Variants in CTNNA3 observed in about 807,000 individuals in gnomAD.
CTNNA3 encodes the protein catenin alpha-3.
In CTNNA3, 76 loss-of-function variants were observed where a neutral mutation model predicts 95.7. That is an observed-to-expected ratio of 0.79 (90% CI 0.66 to 0.96). CTNNA3 has a LOEUF of 0.96. Among genes scored for constraint, CTNNA3 ranks in the 40% least tolerant of loss-of-function variants. The probability of loss-of-function intolerance (pLI) is 0.00; values close to 1 mark genes in which losing one functional copy is unlikely to be tolerated. For missense variants in CTNNA3, 1,191 were observed against 1,089.8 expected, an observed-to-expected ratio of 1.09 and a Z score of -1.31; for synonymous variants, 431 against 374.4, an observed-to-expected ratio of 1.15 and a Z score of -1.74.
chr10:66,685,285 G>GTATATATAAGTA (rs1847230936), intron 9 of CTNNA3, among the ~76,000 whole-genome samples: 1 of 59,582 alleles, frequency 1.7e-5, no homozygotes, highest in African/African-American at 9.6e-5. Context: ...GTATATATAA[G>GTATATATAAGTA]TATATATATG....
chr10:66,239,882 C>G (rs145760397), intron 13 of CTNNA3, among the ~76,000 whole-genome samples: 36 of 151,834 alleles, frequency 2.4e-4, no homozygotes, highest in African/African-American at 8.7e-4. Context: ...AATTCCTCTG[C>G]CCACTATTCT....
chr10:65,962,598 G>A (rs2077868822), intron 17 of CTNNA3, among the ~76,000 whole-genome samples: 1 of 151,606 alleles, frequency 6.6e-6, no homozygotes, highest in Non-Finnish European at 1.5e-5. Flanking sequence ...GGTTACATGT[G>A]CAGAACATGC....
intron 5 of CTNNA3, chr10:67,346,674 C>T (rs1842427421): frequency 2.0e-6 from 1 of 509,534 alleles, no homozygotes; most frequent in Middle Eastern, 3.2e-4. Flanking sequence ...GCAGGCCTTC[C>T]TAATCTCGTG....
chr10:67,604,034 A>G (rs532810741), intron 3 of CTNNA3, among the ~76,000 whole-genome samples: 30 of 152,174 alleles, frequency 2.0e-4, no homozygotes, highest in African/African-American at 2.7e-4. Flanking sequence ...ACTTACCGCT[A>G]TGTTATATTA....
chr10:67,377,120 T>C (rs1843722037), intron 5 of CTNNA3, among the ~76,000 whole-genome samples: 1 of 152,216 alleles, frequency 6.6e-6, no homozygotes, highest in Non-Finnish European at 1.5e-5. Context: ...TTAGTTTGGA[T>C]TTCTGTTTGG....
intron 7 of CTNNA3, chr10:66,925,774 A>G (rs967857415): frequency 1.4e-5 from 4 of 286,770 alleles, no homozygotes; most frequent in Non-Finnish European, 2.8e-5. Flanking sequence ...TCTGGGCAGC[A>G]CATGTTTAGC....
At chr10:66,640,761 G>C (rs923544159) in intron 9 of CTNNA3, among the ~76,000 whole-genome samples, 2 of 152,202 alleles carry the variant, frequency 1.3e-5, no homozygotes, top group Non-Finnish European at 2.9e-5. Flanking sequence ...TAGTAGTCAA[G>C]ATTCACTAGA....
intron 10 of CTNNA3, among the ~76,000 whole-genome samples, chr10:66,529,452 T>G (rs1288626716): frequency 1.4e-5 from 2 of 146,150 alleles, no homozygotes; most frequent in Non-Finnish European, 1.5e-5. Context: ...TTTTTTTTGT[T>G]TTTTTTTTTT....
chr10:66,950,082 T>G (rs189497455), intron 7 of CTNNA3, among the ~76,000 whole-genome samples: 4 of 152,206 alleles, frequency 2.6e-5, no homozygotes, highest in Non-Finnish European at 5.9e-5. Context: ...TACCACTCTT[T>G]GAACGTCTCC....
chr10:66,061,858 A>T (rs1404206026), intron 15 of CTNNA3, among the ~76,000 whole-genome samples: 4 of 152,096 alleles, frequency 2.6e-5, no homozygotes, highest in Non-Finnish European at 4.4e-5. Context: ...CAAAATCCTA[A>T]CAGATTGAAC....
At chr10:66,141,024 C>A (rs1384912934) in intron 13 of CTNNA3, among the ~76,000 whole-genome samples, 5 of 151,922 alleles carry the variant, frequency 3.3e-5, no homozygotes, top group Admixed American at 1.3e-4. Flanking sequence ...TTTGGGAGGC[C>A]GAGGCGGGAG....
intron 5 of CTNNA3, among the ~76,000 whole-genome samples, chr10:67,395,103 G>A (rs1303305391): frequency 6.6e-6 from 1 of 152,012 alleles, no homozygotes; most frequent in Non-Finnish European, 1.5e-5. Context: ...CCTTAAACAT[G>A]AAAAATTATA....
chr10:66,743,091 G>A (rs924157233), intron 9 of CTNNA3, among the ~76,000 whole-genome samples: 2 of 152,058 alleles, frequency 1.3e-5, no homozygotes, highest in Non-Finnish European at 2.9e-5. Context: ...CACACAAACC[G>A]AGAATGCATT....
At chr10:67,735,132 CACACACACACACAA>C (rs1482039058) in intron 1 of CTNNA3, among the ~76,000 whole-genome samples, 18 of 116,550 alleles carry the variant, frequency 1.5e-4, no homozygotes, top group African/African-American at 4.2e-4. Flanking sequence ...AGTGAGCACA[CACACACACACACAA>C]ACACACACAC....
chr10:66,610,058 T>C (rs1844272107), intron 10 of CTNNA3, among the ~76,000 whole-genome samples: 1 of 152,028 alleles, frequency 6.6e-6, no homozygotes, highest in African/African-American at 2.4e-5. Context: ...GGAACACAGA[T>C]GGACACATAG....
chr10:66,150,195 G>A (rs919716850), intron 13 of CTNNA3, among the ~76,000 whole-genome samples: 3 of 152,284 alleles, frequency 2.0e-5, no homozygotes, highest in South Asian at 2.1e-4. Flanking sequence ...GTCTGTTCTC[G>A]TGATAGTGAA....
At chr10:66,510,463 GTCT>G (rs1476910247) in intron 11 of CTNNA3, among the ~76,000 whole-genome samples, 1 of 151,784 alleles carries the variant, frequency 6.6e-6, no homozygotes, top group African/African-American at 2.4e-5. Context: ...GAGCATCCTT[GTCT>G]TCTTCCAGTT....
At chr10:67,219,273 T>C (rs1011456000) in intron 6 of CTNNA3, among the ~76,000 whole-genome samples, 1 of 152,210 alleles carries the variant, frequency 6.6e-6, no homozygotes, top group Non-Finnish European at 1.5e-5. Flanking sequence ...CCCAAGCACA[T>C]AGAACAGTAA....
At chr10:66,158,320 A>AT (rs1478382124) in intron 13 of CTNNA3, among the ~76,000 whole-genome samples, 17 of 151,972 alleles carry the variant, frequency 1.1e-4, no homozygotes, top group African/African-American at 3.9e-4. Flanking sequence ...TCTTGAGTTG[A>AT]TTTTTTTATA....
Sources: allele counts gnomAD v4.1 joint callset (sites outside exome capture counted in the v4.1 genomes callset), GRCh38; gene constraint gnomAD v4.1.1; transcripts MANE v1.5; gene names NCBI Gene and HGNC (gene_info 2026-07-23, HGNC 2026-07-21).